Variants in HIVEP3 observed in about 807,000 individuals in gnomAD.
HIVEP3 encodes the protein HIVEP zinc finger 3, also known as transcription factor HIVEP3.
In HIVEP3, 49 loss-of-function variants were observed where a neutral mutation model predicts 152.8. That is an observed-to-expected ratio of 0.32 (90% confidence interval 0.26 to 0.41). The LOEUF is 0.41. Among genes scored for constraint, HIVEP3 ranks in the 10% least tolerant of loss-of-function variants. HIVEP3 has a pLI of 1.00. For missense variants in HIVEP3, 2,790 were observed against 3,103.3 expected (o/e 0.90, Z 2.40); for synonymous variants, 1,269 against 1,289.0 (o/e 0.98, Z 0.33).
Position 41,664,977 on chromosome 1 carries a change from T to C in HIVEP3, c.-721+35939A>G, listed in dbSNP as rs1190310154. Among the ~76,000 whole-genome samples, 2 of 152,192 alleles carry C rather than the reference T, an allele frequency of 1.3e-5. No individual in the cohort carries two copies. The highest frequency in any genetic ancestry group is 2.9e-5 in the Non-Finnish European group (2 of 68,016). On this transcript the variant is annotated intron_variant, in intron 2 of 8. Transcript: ENST00000372583. This position sits in a 1 kb window ranked among gnomAD's most constrained non-coding sequence, Gnocchi z 4.4. ...TTGTACCAGACACAGTCAGACTGGA[T>C]GCCCCTGAGCCTTCCAAGCCATGCA...
chr1:42,005,544 G>A (rs370864209), intron 1 of HIVEP3, among the ~76,000 whole-genome samples: 7 of 152,114 alleles, frequency 4.6e-5, no homozygotes, highest in African/African-American at 1.7e-4. Flanking sequence ...TCAAACGATG[G>A]GGGGCTACCT....
chr1:41,882,730 T>C (rs1644283160), intron 1 of HIVEP3, among the ~76,000 whole-genome samples: 1 of 152,038 alleles, frequency 6.6e-6, no homozygotes, highest in African/African-American at 2.4e-5. Context: ...TCAATGAGAA[T>C]TATTGTTATT....
chr1:41,629,530 C>T (rs972394228), intron 2 of HIVEP3, among the ~76,000 whole-genome samples: 3 of 152,108 alleles, frequency 2.0e-5, no homozygotes, highest in African/African-American at 7.2e-5. Context: ...GTGCATCCAA[C>T]GAAGATCTAA....
intron 1 of HIVEP3, among the ~76,000 whole-genome samples, chr1:41,834,513 G>T (rs981669652): frequency 6.6e-6 from 1 of 152,164 alleles, no homozygotes; most frequent in African/African-American, 2.4e-5. Flanking sequence ...GTCTGACTCA[G>T]GCAGAACACT....
At chr1:41,902,744 C>T (rs1644646972) in intron 1 of HIVEP3, among the ~76,000 whole-genome samples, 1 of 152,202 alleles carries the variant, frequency 6.6e-6, no homozygotes, top group African/African-American at 2.4e-5. Context: ...TTATGGATTA[C>T]CCTGGAAGAG....
chr1:41,972,473 T>C (rs1166348879), intron 1 of HIVEP3, among the ~76,000 whole-genome samples: 1 of 152,238 alleles, frequency 6.6e-6, no homozygotes, highest in African/African-American at 2.4e-5. Context: ...GGAGGGTCCC[T>C]GCCCTCCTAG....
chr1:41,713,652 G>C (rs1275366644), intron 1 of HIVEP3, among the ~76,000 whole-genome samples: 3 of 152,218 alleles, frequency 2.0e-5, no homozygotes, highest in Admixed American at 2.0e-4. Context: ...TGGTACTACA[G>C]TTCTTCCCAC....
chr1:41,845,445 AC>A, intron 1 of HIVEP3, among the ~76,000 whole-genome samples: 1 of 150,884 alleles, frequency 6.6e-6, no homozygotes, highest in East Asian at 1.9e-4. Flanking sequence ...ACACACACAC[AC>A]ACACACACAC....
chr1:41,531,146 G>A (rs192391314), intron 5 of HIVEP3, among the ~76,000 whole-genome samples: 1 of 150,258 alleles, frequency 6.7e-6, no homozygotes, highest in East Asian at 2.0e-4. Context: ...GAGAGATGGA[G>A]GACAGGAGAG....
intron 3 of HIVEP3, among the ~76,000 whole-genome samples, chr1:41,599,768 GACA>G (rs756169567): frequency 2.0e-5 from 3 of 152,084 alleles, no homozygotes; most frequent in Non-Finnish European, 4.4e-5. Context: ...TGCGTGAAAG[GACA>G]ACATCAACAG....
chr1:41,558,186 G>C (rs77569045), intron 5 of HIVEP3, among the ~76,000 whole-genome samples: 3,982 of 152,266 alleles, frequency 0.026, 194 homozygotes, highest in African/African-American at 0.092. Flanking sequence ...CTCAGGAGAG[G>C]GATGATGCCC....
At chr1:41,710,394 G>A (rs1003495987) in intron 1 of HIVEP3, among the ~76,000 whole-genome samples, 4 of 152,132 alleles carry the variant, frequency 2.6e-5, no homozygotes, top group Admixed American at 6.5e-5. Flanking sequence ...TTCTAAGGTC[G>A]CGCCAGCTCT....
intron 1 of HIVEP3, among the ~76,000 whole-genome samples, chr1:41,911,180 T>A (rs986741340): frequency 1.3e-5 from 2 of 151,990 alleles, no homozygotes; most frequent in African/African-American, 4.8e-5. Context: ...TACCCAATTT[T>A]CAAATAAATG....
At chr1:41,623,288 A>G (rs910853562) in intron 3 of HIVEP3, among the ~76,000 whole-genome samples, 2 of 152,330 alleles carry the variant, frequency 1.3e-5, no homozygotes, top group Middle Eastern at 3.4e-3. Flanking sequence ...TTTTGCTCCC[A>G]TCTGTCCTCA....
chr1:41,516,647 C>G (rs1472044081), intron 7 of HIVEP3, among the ~76,000 whole-genome samples: 1 of 151,960 alleles, frequency 6.6e-6, no homozygotes, highest in Non-Finnish European at 1.5e-5. Flanking sequence ...TCCAGGGCAC[C>G]CCCCCATGCC....
Position 41,695,150 on chromosome 1 carries a change from C to G in HIVEP3, c.-721+5766G>C, listed in dbSNP as rs140622740. ...ACTGTCAGGCAGGGGGCACATCACACAGGCATTATTGTTGCTATGGGACTG... is the reference window on the plus strand; with the variant it reads ...ACTGTCAGGCAGGGGGCACATCACAGAGGCATTATTGTTGCTATGGGACTG... On this transcript the variant is annotated intron_variant, in intron 2 of 8. Coordinates refer to ENST00000372583, the MANE Select transcript of HIVEP3 (RefSeq NM_024503.5). 2.9e-3 allele frequency among the ~76,000 whole-genome samples: 437 copies of G among 152,316 alleles called. 1 individual carries two copies. The highest frequency in any genetic ancestry group is 4.5e-3 in the Non-Finnish European group (307 of 68,030).
At position 41,575,784 on chromosome 1, in the gene HIVEP3, C is replaced by T. The variant is rs541117402; in HGVS notation, c.5062-95G>A. ...AATAATCATGCCTTACACAGTACTGCACAAGTACACATATGCAATCTTCAC... is the reference window on the plus strand; with the variant it reads ...AATAATCATGCCTTACACAGTACTGTACAAGTACACATATGCAATCTTCAC... On this transcript the variant is annotated intron_variant, in intron 4 of 8. Coordinates refer to ENST00000372583, the MANE Select transcript of HIVEP3 (RefSeq NM_024503.5). The T allele has an allele frequency of 4.0e-5, 52 of 1,308,660 alleles. No individual in the cohort carries two copies. In the South Asian group the frequency reaches 5.2e-4, roughly 13 times the overall value. The allele number at this position is 1,308,660 out of a possible 1,614,324, so 81.1% of individuals were successfully genotyped here.
At chr1:41,969,657 T>C (rs960850250) in intron 1 of HIVEP3, among the ~76,000 whole-genome samples, 5 of 152,196 alleles carry the variant, frequency 3.3e-5, no homozygotes, top group Non-Finnish European at 7.3e-5. Context: ...AGCAAAGATT[T>C]CATGATGAAA....
intron 1 of HIVEP3, among the ~76,000 whole-genome samples, chr1:41,751,852 T>C (rs960703248): frequency 6.6e-6 from 1 of 152,148 alleles, no homozygotes; most frequent in African/African-American, 2.4e-5. Context: ...ATACTCAGGC[T>C]GCCGATGAGC....
Sources: gnomAD v4.1 joint callset for allele counts (sites outside exome capture counted in the v4.1 genomes callset) on GRCh38, gnomAD v4.1.1 for gene constraint, Gnocchi (gnomAD v3.1) non-coding constraint, MANE v1.5 for transcripts, NCBI Gene and HGNC (gene_info 2026-07-23, HGNC 2026-07-21) for gene names.